The following PIEZO2 variants were observed in gnomAD, a reference collection of about 807,000 sequenced individuals.
PIEZO2 encodes the protein piezo type mechanosensitive ion channel component 2.
A neutral mutation model predicts 337.3 loss-of-function variants in PIEZO2; 172 were observed. That is an observed-to-expected ratio of 0.51 (90% confidence interval 0.45 to 0.58). PIEZO2 has a LOEUF of 0.58. PIEZO2 is among the 20% of genes least tolerant of loss of function. The pLI, the probability that PIEZO2 is intolerant of heterozygous loss-of-function variation, is 0.00. For missense variants in PIEZO2, 3,028 were observed against 3,391.3 expected (o/e 0.89, Z 2.66); for synonymous variants, 1,251 against 1,228.5 (o/e 1.02, Z -0.38).
At position 10,727,861 on chromosome 18, in the gene PIEZO2, G is replaced by T. The variant is rs1459462688; in HGVS notation, c.5029+3546C>A. ...AAGTCCTAAACCCCTCCTGGACCAG[G>T]TGAGGTGCAGAGCGCCTTTTGTGTA... On this transcript the variant is annotated intron_variant, in intron 36 of 55. Coordinates refer to ENST00000674853, the MANE Select transcript of PIEZO2 (RefSeq NM_001378183.1). This position sits in a 1 kb window ranked among gnomAD's most constrained non-coding sequence, Gnocchi z 6.3. 6.6e-6 allele frequency: 1 copy of T among 152,098 alleles called. No individual in the cohort carries two copies. Among genetic ancestry groups the T allele is most frequent in the Admixed American group, 6.5e-5 (1 of 15,280 alleles). 9.4% of individuals were successfully genotyped at this position (152,098 alleles called of 1,614,324 possible).
intron 3 of PIEZO2, among the ~76,000 whole-genome samples, chr18:10,916,914 T>A (rs1236593553): frequency 6.6e-6 from 1 of 152,218 alleles, no homozygotes; most frequent in Non-Finnish European, 1.5e-5. Flanking sequence ...TCCTGCCATC[T>A]GATTATAATT....
In PIEZO2 at chr18:10,791,341, A is replaced by C; in HGVS notation, c.1759-17T>G. On this transcript the variant is annotated splice_polypyrimidine_tract_variant and intron_variant, in intron 13 of 55. Transcript: ENST00000674853. ...GAAAAGGATCTGAAAGTAGAGAAGC[A>C]GCAAAACAAGAATTAAGCAACCATT... is the stretch of plus-strand genomic sequence containing the variant. The C allele has an allele frequency of 1.4e-6, 2 of 1,476,218 alleles. No individual in the cohort carries two copies. The highest frequency in any genetic ancestry group is 2.6e-5 in the South Asian group (2 of 75,936). 91.4% of individuals were successfully genotyped at this position (1,476,218 alleles called of 1,614,324 possible).
intron 1 of PIEZO2, among the ~76,000 whole-genome samples, chr18:11,120,861 T>C (rs1340449938): frequency 6.6e-6 from 1 of 152,266 alleles, no homozygotes; most frequent in Non-Finnish European, 1.5e-5. Context: ...TCTTTCCTGG[T>C]CCTAAATTTA....
At chr18:10,698,127 G>A (rs1394897157) in intron 44 of PIEZO2, among the ~76,000 whole-genome samples, 3 of 152,188 alleles carry the variant, frequency 2.0e-5, no homozygotes, top group Admixed American at 2.0e-4. Context: ...TAAATAAACT[G>A]GAAGGATAGT....
intron 18 of PIEZO2, among the ~76,000 whole-genome samples, chr18:10,774,772 A>G (rs1348878191): frequency 6.6e-6 from 1 of 152,256 alleles, no homozygotes; most frequent in African/African-American, 2.4e-5. Flanking sequence ...AAAGCCTAGT[A>G]GACATACTGA....
At chr18:11,106,418 CTT>C (rs539595699) in intron 1 of PIEZO2, among the ~76,000 whole-genome samples, 6 of 129,588 alleles carry the variant, frequency 4.6e-5, no homozygotes, top group African/African-American at 1.6e-4. Context: ...TTTCCTCTCT[CTT>C]TTTTTTTTTT....
At chr18:10,817,111 A>G (rs145597222) in intron 7 of PIEZO2, among the ~76,000 whole-genome samples, 2 of 152,312 alleles carry the variant, frequency 1.3e-5, no homozygotes, top group African/African-American at 4.8e-5. Context: ...TATACACATT[A>G]AAGTTTGGGA....
At chr18:10,770,404 CAAAAT>C in intron 20 of PIEZO2, 96 bp from the exon 21 acceptor site, 4 of 1,242,108 alleles carry the variant, frequency 3.2e-6, no homozygotes, top group Non-Finnish European at 4.3e-6. Flanking sequence ...TGAGAGGCTG[CAAAAT>C]AATTACAGTG....
intron 2 of PIEZO2, among the ~76,000 whole-genome samples, chr18:10,989,460 A>T (rs2035009126): frequency 6.6e-6 from 1 of 151,518 alleles, no homozygotes; most frequent in Non-Finnish European, 1.5e-5. Flanking sequence ...AGTGTGTTCT[A>T]AAGCAATACG....
intron 28 of PIEZO2, 145 bp downstream of exon 28, chr18:10,752,491 T>C: frequency 1.9e-6 from 2 of 1,044,676 alleles, no homozygotes; most frequent in Non-Finnish European, 2.7e-6. Context: ...GAGAAATAAA[T>C]GGTTTTTGAA....
At chr18:10,743,917 G>A (rs148213206) in intron 31 of PIEZO2, among the ~76,000 whole-genome samples, 78 of 152,248 alleles carry the variant, frequency 5.1e-4, no homozygotes, top group African/African-American at 1.8e-3. Context: ...GCAAGATAGC[G>A]CCCACCTCCA....
rs547005201 is a variant in PIEZO2, at chr18:10,872,323, G to A, written c.330-908C>T. ...TAGCAGGCAGCAAAGGCCAGAAGGT[G>A]AAGTGGAGAGTAGAAAGGGCTTCAA... is the stretch of plus-strand genomic sequence containing the variant. On this transcript the variant is annotated intron_variant, in intron 4 of 55. Transcript: ENST00000674853. The surrounding 1 kb of genome is among the most constrained non-coding windows in gnomAD (Gnocchi z 4.3). 2.0e-4 allele frequency among the ~76,000 whole-genome samples: 31 copies of A among 152,298 alleles called. No individual in the cohort carries two copies. In the South Asian group the frequency reaches 3.7e-3, roughly 18 times the overall value.
In PIEZO2 at chr18:10,671,230, G is replaced by C. The variant is rs754035499; in HGVS notation, c.*297C>G. ...TGACTCCTCTTCTGTTTCTCTTAGG[G>C]ACGGGGCCCATAAATGATTCCTTCA... On this transcript the variant is annotated 3_prime_UTR_variant, in exon 56 of 56. Transcript: ENST00000674853. The C allele has an allele frequency of 3.9e-6, 1 of 254,792 alleles. No homozygotes were observed. Among genetic ancestry groups the C allele is most frequent in the African/African-American group, 2.3e-5 (1 of 43,926 alleles). The allele number at this position is 254,792 out of a possible 1,614,324, so 15.8% of individuals were successfully genotyped here.
In PIEZO2 at chr18:10,714,764, C is replaced by G; in HGVS notation, c.5423G>C (p.Ser1808Thr). ...AACCCATTGTTAGAAAGTGAAATAC[C>G]TGGAGATACTGTCATGTGAATCTAA... ...DSLDSHDSISSCYTEATMLFS... is the reference protein window; with the variant it reads ...DSLDSHDSISTCYTEATMLFS... The change falls in exon 39 of 56, where the codon AGC becomes ACC. Residue 1808 changes from serine to threonine, a missense_variant and splice_region_variant. Physicochemically the swap from Ser to Thr is moderately conservative, Grantham distance 58. This residue lies in a region of PIEZO2 where 1,925 missense variants were observed against 2,051.9 expected (regional missense o/e 0.94). Transcript: ENST00000674853. 6.5e-7 allele frequency: 1 copy of G among 1,536,972 alleles called. No homozygotes were observed. Among genetic ancestry groups the G allele is most frequent in the Non-Finnish European group, 8.7e-7 (1 of 1,146,812 alleles).
Position 10,903,293 on chromosome 18 carries a change from G to C in PIEZO2, c.329+7893C>G, listed in dbSNP as rs1359207254. Among the ~76,000 whole-genome samples the C allele has an allele frequency of 6.6e-6, 1 of 152,104 alleles. No homozygotes were observed. Among genetic ancestry groups the C allele is most frequent in the South Asian group, 2.1e-4 (1 of 4,826 alleles). ...CCTGGCTCATCTGGTCTATATTGCT[G>C]CTCGAGTGACATTTCTAGAAGCACA... On this transcript the variant is annotated intron_variant, in intron 4 of 55. Transcript: ENST00000674853. This position sits in a 1 kb window ranked among gnomAD's most constrained non-coding sequence, Gnocchi z 4.1.
chr18:11,046,546 G>A (rs75724518), intron 2 of PIEZO2, among the ~76,000 whole-genome samples: 5,343 of 152,354 alleles, frequency 0.035, 144 homozygotes, highest in Middle Eastern at 0.058. Context: ...GTGGAAGTGA[G>A]AGAGTGCACG....
rs998818802 is a variant in PIEZO2 at position 10,878,694 on chromosome 18, C to A, written c.330-7279G>T. 6.6e-6 allele frequency among the ~76,000 whole-genome samples: 1 copy of A among 151,188 alleles called. No individual in the cohort carries two copies. Among genetic ancestry groups the A allele is most frequent in the Non-Finnish European group, 1.5e-5 (1 of 67,930 alleles). Reference sequence around the variant, plus strand: ...CTATGTGCCAGACACTGTCTCTAAGCACAGAGTATTGGTTGTGAAGTTATA... The same window carrying A: ...CTATGTGCCAGACACTGTCTCTAAGAACAGAGTATTGGTTGTGAAGTTATA... On this transcript the variant is annotated intron_variant, in intron 4 of 55. Coordinates refer to ENST00000674853, the MANE Select transcript of PIEZO2 (RefSeq NM_001378183.1). This position sits in a 1 kb window ranked among gnomAD's most constrained non-coding sequence, Gnocchi z 4.3.
rs2042162381 is a variant in PIEZO2, at chr18:10,872,425, T to G, written c.330-1010A>C. Among the ~76,000 whole-genome samples the G allele has an allele frequency of 6.6e-6, 1 of 152,106 alleles. No homozygotes were observed. Among genetic ancestry groups the G allele is most frequent in the South Asian group, 2.1e-4 (1 of 4,826 alleles). On this transcript the variant is annotated intron_variant, in intron 4 of 55. Transcript: ENST00000674853. The surrounding 1 kb of genome is among the most constrained non-coding windows in gnomAD (Gnocchi z 4.3). ...GATTTTGGGAGGCGTCCAGTGGTAA[T>G]GAATATGGGAATGAGAGGCAGTATA...
At position 10,813,807 on chromosome 18, in the gene PIEZO2, C is replaced by T. The variant is rs894969905; in HGVS notation, c.918-6533G>A. Among the ~76,000 whole-genome samples the T allele has an allele frequency of 7.2e-5, 11 of 151,978 alleles. No individual in the cohort carries two copies. Among genetic ancestry groups the T allele is most frequent in the African/African-American group, 1.9e-4 (8 of 41,356 alleles). ...TCTATTTTTAATAGAGAAACTGCTC[C>T]GGTTGTTTGAGGAACTGGTATACTG... is the stretch of plus-strand genomic sequence containing the variant. On this transcript the variant is annotated intron_variant, in intron 7 of 55. Transcript: ENST00000674853. This position sits in a 1 kb window ranked among gnomAD's most constrained non-coding sequence, Gnocchi z 4.2.
Sources: allele counts gnomAD v4.1 joint callset (sites outside exome capture counted in the v4.1 genomes callset), GRCh38; gene constraint gnomAD v4.1.1; regional missense constraint gnomAD v4.1.1; non-coding constraint Gnocchi (gnomAD v3.1); transcripts MANE v1.5; gene names NCBI Gene and HGNC (gene_info 2026-07-23, HGNC 2026-07-21).